The following DOK6 variants were observed in gnomAD, a reference collection of about 807,000 sequenced individuals.
The protein encoded by DOK6 is docking protein 6, also known as downstream of tyrosine kinase 6.
In DOK6, 22 loss-of-function variants were observed where a neutral mutation model predicts 44.0. The ratio of observed to expected loss-of-function variants is 0.50; its 90% CI spans 0.36 to 0.71. The LOEUF is 0.71. Ranked by LOEUF, DOK6 falls within the 30% of genes least tolerant of loss-of-function variation. DOK6 has a pLI of 0.00. For synonymous variants in DOK6, 166 were observed against 145.5 expected (o/e 1.14, Z -1.01); for missense variants, 340 against 416.4 (o/e 0.82, Z 1.60).
At chr18:69,700,874 GC>G (rs1986504191) in intron 5 of DOK6, among the ~76,000 whole-genome samples, 1 of 152,188 alleles carries the variant, frequency 6.6e-6, no homozygotes, top group Non-Finnish European at 1.5e-5. Context: ...GGCCAGTCAT[GC>G]TAGCAAACCA....
chr18:69,512,332 C>CTTCTTTTTTTTTTTTT (rs59109570), intron 1 of DOK6, among the ~76,000 whole-genome samples: 1 of 91,690 alleles, frequency 1.1e-5, no homozygotes, highest in African/African-American at 4.7e-5. Context: ...CTTTCTTCTT[C>CTTCTTTTTTTTTTTTT]TTTTTTTTTT....
At chr18:69,788,087 A>G (rs1314694001) in intron 7 of DOK6, among the ~76,000 whole-genome samples, 1 of 152,194 alleles carries the variant, frequency 6.6e-6, no homozygotes, top group African/African-American at 2.4e-5. Context: ...TTTAAATGGT[A>G]GAGAACTCTT....
intron 1 of DOK6, among the ~76,000 whole-genome samples, chr18:69,460,653 C>T (rs913184499): frequency 1.3e-5 from 2 of 152,158 alleles, no homozygotes; most frequent in African/African-American, 2.4e-5. Flanking sequence ...CTGGCAAACT[C>T]ATTGGTATGG....
chr18:69,406,661 G>A (rs1916211741), intron 1 of DOK6, among the ~76,000 whole-genome samples: 1 of 152,214 alleles, frequency 6.6e-6, no homozygotes, highest in Non-Finnish European at 1.5e-5. Context: ...TAGATAGTGA[G>A]CAGGGAAGTG....
chr18:69,618,734 T>C (rs1383043232), intron 3 of DOK6: 1 of 152,190 alleles, frequency 6.6e-6, no homozygotes, highest in Admixed American at 6.5e-5. Flanking sequence ...CGTGATTCAA[T>C]TATCTCCCAC....
At chr18:69,629,854 G>A (rs1282245698) in intron 3 of DOK6, among the ~76,000 whole-genome samples, 6 of 152,064 alleles carry the variant, frequency 3.9e-5, no homozygotes, top group Admixed American at 1.3e-4. Flanking sequence ...GCAGTGATGC[G>A]ATCTCAGCTC....
intron 7 of DOK6, among the ~76,000 whole-genome samples, chr18:69,826,883 T>C (rs1360585725): frequency 2.0e-5 from 3 of 152,202 alleles, no homozygotes; most frequent in Non-Finnish European, 4.4e-5. Context: ...CATTCTTATA[T>C]AGATCTGTAT....
chr18:69,573,596 A>G (rs1983168727), intron 2 of DOK6, among the ~76,000 whole-genome samples: 1 of 151,950 alleles, frequency 6.6e-6, no homozygotes, highest in Non-Finnish European at 1.5e-5. Context: ...TGATATGGAA[A>G]AATAACATAG....
chr18:69,570,938 AT>A (rs1231049243), intron 2 of DOK6, among the ~76,000 whole-genome samples: 7 of 152,154 alleles, frequency 4.6e-5, no homozygotes, highest in Non-Finnish European at 7.4e-5. Flanking sequence ...CTTCAGGCAG[AT>A]TATACCAGAG....
chr18:69,775,547 A>G lies in DOK6; in HGVS notation c.856+17674A>G, dbSNP rs192393490. ...TAAGTAAACTACTAAAAGATTATAA[A>G]TACATCTAAACAAGTAAATAGGAGA... On this transcript the variant is annotated intron_variant, in intron 7 of 7. Transcript: ENST00000382713. Among the ~76,000 whole-genome samples the G allele has an allele frequency of 1.2e-3, 186 of 152,062 alleles. 1 individual carries two copies. Among genetic ancestry groups the G allele is most frequent in the East Asian group, 2.9e-3 (15 of 5,186 alleles).
Position 69,565,511 on chromosome 18 carries a change from GTGTGTGTGTGTA to G in DOK6, c.174+919_174+930del, listed in dbSNP as rs1457140958. On this transcript the variant is annotated intron_variant, in intron 2 of 7. Transcript: ENST00000382713. ...TGTGTGTGTGTGTGTGTGTGTGTGT[GTGTGTGTGTGTA>G]TATATATATACATAATTTTAAAAAT... Among the ~76,000 whole-genome samples the G allele has an allele frequency of 5.4e-4, 26 of 48,588 alleles. 1 individual carries two copies. Among genetic ancestry groups the G allele is most frequent in the South Asian group, 1.2e-3 (2 of 1,608 alleles). The allele number at this position is 48,588 out of a possible 152,430, so 31.9% of individuals were successfully genotyped here. A position where few individuals can be genotyped will look rare whatever the true frequency, so the allele number is the denominator to read the frequency against.
intron 1 of DOK6, among the ~76,000 whole-genome samples, chr18:69,541,202 A>T (rs571276675): frequency 6.6e-6 from 1 of 151,846 alleles, no homozygotes; most frequent in African/African-American, 2.4e-5. Context: ...GTCAACATGT[A>T]CTTACTGTAT....
chr18:69,844,992 G>T lies in DOK6; in HGVS notation c.*3609G>T, dbSNP rs754694281. 3.3e-5 allele frequency: 5 copies of T among 152,168 alleles called. No homozygotes were observed. The highest frequency in any genetic ancestry group is 5.9e-5 in the Non-Finnish European group (4 of 68,028). The allele number at this position is 152,168 out of a possible 1,614,324, so 9.4% of individuals were successfully genotyped here. On this transcript the variant is annotated 3_prime_UTR_variant, in exon 8 of 8. Transcript: ENST00000382713. ...TACATTGTTGGTAGTAGTTTCTACA[G>T]ATCCAGTTTATTGCATGTCGTATCT...
At chr18:69,482,647 A>C (rs1008819000) in intron 1 of DOK6, among the ~76,000 whole-genome samples, 1 of 152,140 alleles carries the variant, frequency 6.6e-6, no homozygotes, top group African/African-American at 2.4e-5. Flanking sequence ...TGCAGCATAA[A>C]TATGATCCAT....
intron 7 of DOK6, among the ~76,000 whole-genome samples, chr18:69,815,449 T>C (rs938619021): frequency 6.6e-6 from 1 of 152,178 alleles, no homozygotes; most frequent in Non-Finnish European, 1.5e-5. Context: ...AAAATTTGCA[T>C]TGTGGCAATT....
chr18:69,807,605 T>C (rs571645223), intron 7 of DOK6, among the ~76,000 whole-genome samples: 17 of 151,998 alleles, frequency 1.1e-4, no homozygotes, highest in Middle Eastern at 3.4e-3. Context: ...GAAAAACATA[T>C]TCCATGCAAA....
chr18:69,470,373 T>C (rs982571355), intron 1 of DOK6, among the ~76,000 whole-genome samples: 2 of 152,180 alleles, frequency 1.3e-5, no homozygotes, highest in Admixed American at 6.5e-5. Context: ...AGGAGACCCC[T>C]TTGCAGGACT....
intron 1 of DOK6, among the ~76,000 whole-genome samples, chr18:69,477,476 T>G (rs17184789): frequency 6.6e-6 from 1 of 151,998 alleles, no homozygotes. Context: ...CAAGAGGGAG[T>G]CTAGCTGTAC....
At chr18:69,612,412 C>T (rs769475310) in intron 3 of DOK6, among the ~76,000 whole-genome samples, 1 of 146,506 alleles carries the variant, frequency 6.8e-6, no homozygotes, top group Non-Finnish European at 1.5e-5. Context: ...TGTGCGAGGG[C>T]GCATGTGTGC....
Sources: gnomAD v4.1 joint callset for allele counts (sites outside exome capture counted in the v4.1 genomes callset) on GRCh38, gnomAD v4.1.1 for gene constraint, MANE v1.5 for transcripts, NCBI Gene and HGNC (gene_info 2026-07-23, HGNC 2026-07-21) for gene names.